Variants in PHKB observed in about 807,000 individuals in gnomAD.
The protein encoded by PHKB is phosphorylase b kinase regulatory subunit beta.
Under a neutral mutation model 152.1 loss-of-function variants are expected in PHKB, and 122 were observed. The ratio of observed to expected loss-of-function variants is 0.80; its 90% CI spans 0.69 to 0.93. PHKB has a LOEUF of 0.93. Among genes scored for constraint, PHKB ranks in the 40% least tolerant of loss-of-function variants. PHKB has a pLI of 0.00. For synonymous variants in PHKB, 436 were observed against 464.9 expected (o/e 0.94, Z 0.80); for missense variants, 1,304 against 1,328.4 (o/e 0.98, Z 0.29).
At chr16:47,521,522 G>A (rs1306139965) in intron 6 of PHKB, among the ~76,000 whole-genome samples, 1 of 152,082 alleles carries the variant, frequency 6.6e-6, no homozygotes, top group Non-Finnish European at 1.5e-5. Flanking sequence ...TGGCTTGGTG[G>A]CGTACACCTG....
At chr16:47,599,018 T>C in intron 13 of PHKB, 3 of 769,914 alleles carry the variant, frequency 3.9e-6, no homozygotes, top group Non-Finnish European at 6.6e-6. Flanking sequence ...GCGCCAACGA[T>C]TCGATCAACA....
At chr16:47,500,031 A>G (rs1597033620) in intron 3 of PHKB, 137 bp downstream of exon 3, 1 of 946,436 alleles carries the variant, frequency 1.1e-6, no homozygotes, top group Non-Finnish European at 1.7e-6. Flanking sequence ...ATCCCTTTTT[A>G]GGCCTCTAAA....
At chr16:47,639,172 G>C (rs1160002856) in intron 14 of PHKB, among the ~76,000 whole-genome samples, 1 of 152,104 alleles carries the variant, frequency 6.6e-6, no homozygotes, top group East Asian at 1.9e-4. Context: ...TACTTGGGAG[G>C]CTGAGGTGGG....
In PHKB at chr16:47,685,288, G is replaced by A. The variant is rs181399391; in HGVS notation, c.2631-3753G>A. ...AAAAATACAAAAATTAGCTGGGTGT[G>A]GTGGCGCACGCCTGTAATCCCAGCT... is the stretch of plus-strand genomic sequence containing the variant. On this transcript the variant is annotated intron_variant, in intron 26 of 30. Transcript: ENST00000323584. Among the ~76,000 whole-genome samples the A allele has an allele frequency of 1.1e-4, 16 of 152,278 alleles. No individual in the cohort carries two copies. In the East Asian group the frequency reaches 2.3e-3, roughly 22 times the overall value.
At chr16:47,547,588 TG>T in intron 7 of PHKB, 40 bp downstream of exon 7, 1 of 1,086,382 alleles carries the variant, frequency 9.2e-7, no homozygotes, top group Non-Finnish European at 1.4e-6. Flanking sequence ...TTAAATTAAA[TG>T]TATGGAATTT....
intron 5 of PHKB, among the ~76,000 whole-genome samples, chr16:47,514,788 C>T (rs1970568476): frequency 6.6e-6 from 1 of 152,320 alleles, no homozygotes; most frequent in African/African-American, 2.4e-5. Flanking sequence ...TCACACATCC[C>T]ATTCAGGATT....
At chr16:47,631,573 C>T (rs1236740569) in intron 14 of PHKB, among the ~76,000 whole-genome samples, 1 of 152,144 alleles carries the variant, frequency 6.6e-6, no homozygotes, top group East Asian at 1.9e-4. Context: ...TGGTTTGCTG[C>T]ACCTATCAAC....
chr16:47,527,051 CCACT>C (rs1022263003), intron 6 of PHKB, among the ~76,000 whole-genome samples: 1 of 151,994 alleles, frequency 6.6e-6, no homozygotes, highest in Non-Finnish European at 1.5e-5. Flanking sequence ...GAGAACTCAC[CCACT>C]ATCTCTAGGA....
chr16:47,664,507 G>A (rs568008208), intron 24 of PHKB: 93 of 218,894 alleles, frequency 4.2e-4, no homozygotes, highest in Non-Finnish European at 8.1e-4. Context: ...TAAAATAAGG[G>A]GATTAAACAA....
intron 1 of PHKB, among the ~76,000 whole-genome samples, chr16:47,490,042 T>G (rs1021290234): frequency 1.3e-5 from 2 of 152,134 alleles, no homozygotes; most frequent in African/African-American, 4.8e-5. Flanking sequence ...TCCTTCACAC[T>G]GAAAAACAAA....
Position 47,700,449 on chromosome 16 carries a change from T to C in PHKB, c.*1083T>C, listed in dbSNP as rs1326883647. ...AACAACATTAAGGGTCATTAAATTTTATTTCTGAATTAATGAACATATCTG... is the reference window on the plus strand; with the variant it reads ...AACAACATTAAGGGTCATTAAATTTCATTTCTGAATTAATGAACATATCTG... On this transcript the variant is annotated 3_prime_UTR_variant, in exon 31 of 31. Coordinates refer to ENST00000323584, the MANE Select transcript of PHKB (RefSeq NM_000293.3). The C allele has an allele frequency of 6.6e-6, 1 of 152,098 alleles. No homozygotes were observed. The highest frequency in any genetic ancestry group is 2.4e-5 in the African/African-American group (1 of 41,436). 9.4% of individuals were successfully genotyped at this position (152,098 alleles called of 1,614,324 possible).
intron 13 of PHKB, among the ~76,000 whole-genome samples, 153 bp downstream of exon 13, chr16:47,596,684 A>G (rs1972126437): frequency 6.6e-6 from 1 of 152,096 alleles, no homozygotes; most frequent in African/African-American, 2.4e-5. Context: ...TGGTATATTA[A>G]TATATCTATT....
rs1021260717 is a variant in PHKB, at chr16:47,545,569, T to C, written c.595-1864T>C. On this transcript the variant is annotated intron_variant, in intron 6 of 30. Coordinates refer to ENST00000323584, the MANE Select transcript of PHKB (RefSeq NM_000293.3). Reference sequence around the variant, plus strand: ...CCTTGGTGAATTTGACAATTATGTGTCTTGAGGTTGCTCTTTTCGAGGAGT... The same window carrying C: ...CCTTGGTGAATTTGACAATTATGTGCCTTGAGGTTGCTCTTTTCGAGGAGT... Among the ~76,000 whole-genome samples the C allele has an allele frequency of 2.6e-5, 4 of 152,264 alleles. No homozygotes were observed. The South Asian group carries it at 6.2e-4, about 24-fold the overall frequency.
intron 20 of PHKB, among the ~76,000 whole-genome samples, chr16:47,655,208 A>G (rs1349085248): frequency 6.6e-6 from 1 of 152,184 alleles, no homozygotes; most frequent in Non-Finnish European, 1.5e-5. Flanking sequence ...CAATAAATTA[A>G]TGGTGGATGT....
chr16:47,478,033 G>A (rs1355356938), intron 1 of PHKB, among the ~76,000 whole-genome samples: 1 of 152,054 alleles, frequency 6.6e-6, no homozygotes, highest in East Asian at 1.9e-4. Context: ...CCTAAATCTT[G>A]CCATCTAGAG....
chr16:47,674,395 T>C (rs1438936203), intron 26 of PHKB, among the ~76,000 whole-genome samples: 6 of 152,192 alleles, frequency 3.9e-5, no homozygotes. Flanking sequence ...TTGAAAGTAG[T>C]GGCTGAAACC....
At chr16:47,505,874 A>G (rs543312689) in intron 4 of PHKB, among the ~76,000 whole-genome samples, 10 of 152,014 alleles carry the variant, frequency 6.6e-5, no homozygotes, top group Non-Finnish European at 1.2e-4. Context: ...CTCTACCAAA[A>G]ATACAAAAAT....
chr16:47,683,849 C>T (rs959229353), intron 26 of PHKB, among the ~76,000 whole-genome samples: 14 of 152,216 alleles, frequency 9.2e-5, no homozygotes, highest in East Asian at 5.8e-4. Flanking sequence ...CCATCTTCTG[C>T]ATCGCTCACG....
At chr16:47,472,043 G>C (rs1969778641) in intron 1 of PHKB, among the ~76,000 whole-genome samples, 1 of 152,162 alleles carries the variant, frequency 6.6e-6, no homozygotes, top group Non-Finnish European at 1.5e-5. Context: ...GTGACAGAGA[G>C]AGACTCCGTC....
Sources: gnomAD v4.1 joint callset for allele counts (sites outside exome capture counted in the v4.1 genomes callset) on GRCh38, gnomAD v4.1.1 for gene constraint, MANE v1.5 for transcripts, NCBI Gene and HGNC (gene_info 2026-07-23, HGNC 2026-07-21) for gene names.